The following PHF20 variants were observed in gnomAD, a reference collection of about 807,000 sequenced individuals.
PHF20 encodes the protein glioma-expressed antigen 2.
PHF20 carries 23 observed loss-of-function variants against 113.5 expected under a neutral mutation model. That is an observed-to-expected ratio of 0.20 (90% CI 0.15 to 0.29). The LOEUF is 0.29. Ranked by LOEUF, PHF20 falls within the 10% of genes least tolerant of loss-of-function variation. The pLI is 1.00. For missense variants in PHF20, 943 were observed against 1,219.6 expected, an observed-to-expected ratio of 0.77 and a Z score of 3.38; for synonymous variants, 434 against 457.3, an observed-to-expected ratio of 0.95 and a Z score of 0.65.
At chr20:35,793,242 CCTT>C (rs1485602477) in intron 1 of PHF20, among the ~76,000 whole-genome samples, 2 of 151,936 alleles carry the variant, frequency 1.3e-5, no homozygotes, top group African/African-American at 2.4e-5. Flanking sequence ...CTTTAGATCT[CCTT>C]CTTGTCACCT....
intron 4 of PHF20, chr20:35,850,585 G>GTTTTTTT (rs58771222): frequency 1.1e-4 from 4 of 37,616 alleles, no homozygotes; most frequent in Admixed American, 4.7e-4. Context: ...ATTATGAGCT[G>GTTTTTTT]TTTTTTTTTT....
intron 13 of PHF20, among the ~76,000 whole-genome samples, chr20:35,922,943 T>C (rs2055546009): frequency 6.6e-6 from 1 of 151,766 alleles, no homozygotes; most frequent in South Asian, 2.1e-4. Context: ...TGGCAAACCC[T>C]GTCTCTACAA....
At chr20:35,789,302 G>C (rs1231473046) in intron 1 of PHF20, among the ~76,000 whole-genome samples, 1 of 151,802 alleles carries the variant, frequency 6.6e-6, no homozygotes, top group Admixed American at 6.6e-5. Flanking sequence ...ATGGTGGCTT[G>C]CTCCTGTAAT....
At chr20:35,781,045 G>A (rs2041284751) in intron 1 of PHF20, among the ~76,000 whole-genome samples, 2 of 151,318 alleles carry the variant, frequency 1.3e-5, no homozygotes, top group South Asian at 2.1e-4. Flanking sequence ...TAGAGATGGA[G>A]TTTTACCATG....
At chr20:35,921,724 T>C (rs1032943204) in intron 13 of PHF20, among the ~76,000 whole-genome samples, 2 of 140,064 alleles carry the variant, frequency 1.4e-5, no homozygotes, top group Non-Finnish European at 3.0e-5. Flanking sequence ...AAAAATGTTA[T>C]ATAACATGAA....
Position 35,947,656 on chromosome 20 carries a change from C to G in PHF20, c.*29C>G. The G allele has an allele frequency of 6.2e-7, 1 of 1,606,152 alleles. No homozygotes were observed. Among genetic ancestry groups the G allele is most frequent in the Non-Finnish European group, 8.5e-7 (1 of 1,174,226 alleles). ...TGGGCACCCAAAACTCATGGGGGCA[C>G]AATCCTGGGGCACCTGCAGGAGGAG... On this transcript the variant is annotated 3_prime_UTR_variant, in exon 18 of 18. Transcript: ENST00000374012.
chr20:35,891,768 A>G (rs2054867352), intron 9 of PHF20, among the ~76,000 whole-genome samples: 1 of 152,232 alleles, frequency 6.6e-6, no homozygotes, highest in South Asian at 2.1e-4. Context: ...GTTCAAAAGT[A>G]AAATAGTCCA....
intron 2 of PHF20, among the ~76,000 whole-genome samples, chr20:35,818,137 A>T (rs1301851278): frequency 6.6e-6 from 1 of 151,910 alleles, no homozygotes; most frequent in East Asian, 1.9e-4. Flanking sequence ...TACAAAAAAA[A>T]TTAGGCGCAT....
chr20:35,901,151 AT>A (rs771831477), intron 10 of PHF20, among the ~76,000 whole-genome samples: 7 of 152,230 alleles, frequency 4.6e-5, no homozygotes, highest in Non-Finnish European at 8.8e-5. Flanking sequence ...TTAGGCGGAC[AT>A]AGTGGCTCAC....
At chr20:35,927,029 C>T (rs1430121795) in intron 13 of PHF20, among the ~76,000 whole-genome samples, 1 of 152,178 alleles carries the variant, frequency 6.6e-6, no homozygotes, top group South Asian at 2.1e-4. Flanking sequence ...GTCCACATGT[C>T]TCCCAGTGCA....
intron 2 of PHF20, among the ~76,000 whole-genome samples, chr20:35,809,451 C>T (rs140061001): frequency 2.8e-3 from 430 of 151,388 alleles, no homozygotes; most frequent in African/African-American, 9.6e-3. Flanking sequence ...TGGTGGTGTG[C>T]GCCTGTAGTC....
At chr20:35,910,491 C>T (rs2055278693) in intron 10 of PHF20, among the ~76,000 whole-genome samples, 1 of 152,142 alleles carries the variant, frequency 6.6e-6, no homozygotes, top group South Asian at 2.1e-4. Context: ...ACTATCACCA[C>T]AATCAAGATA....
rs542566292 is a variant in PHF20 at position 35,946,444 on chromosome 20, ATAAATAAG to A, written c.2897-1033_2897-1026del. On this transcript the variant is annotated intron_variant, in intron 17 of 17. Coordinates refer to ENST00000374012, the MANE Select transcript of PHF20 (RefSeq NM_016436.5). ...GTGAGACTCCATCTCAAAAAAATAA[ATAAATAAG>A]TAAATAAATAAAGGGAGAAAATAAT... 3.5e-4 allele frequency among the ~76,000 whole-genome samples: 53 copies of A among 152,256 alleles called. No individual in the cohort carries two copies. The South Asian group carries it at 5.0e-3, about 14-fold the overall frequency.
intron 1 of PHF20, among the ~76,000 whole-genome samples, chr20:35,786,345 C>T (rs369825140): frequency 1.3e-4 from 20 of 150,968 alleles, no homozygotes; most frequent in Non-Finnish European, 2.2e-4. Flanking sequence ...GAGCCGAGAT[C>T]GCGCCACTGC....
At chr20:35,943,836 G>T (rs1242600067) in intron 17 of PHF20, among the ~76,000 whole-genome samples, 1 of 152,070 alleles carries the variant, frequency 6.6e-6, no homozygotes, top group Non-Finnish European at 1.5e-5. Context: ...GGCCAGGCTG[G>T]TCTCGATCTC....
At chr20:35,845,432 C>A in intron 3 of PHF20, 1 of 390,926 alleles carries the variant, frequency 2.6e-6, no homozygotes, top group Non-Finnish European at 5.3e-6. Context: ...GTGGTGCAGT[C>A]TTGGCTTAAT....
chr20:35,794,718 C>G (rs1287962372), intron 1 of PHF20, among the ~76,000 whole-genome samples: 1 of 152,124 alleles, frequency 6.6e-6, no homozygotes, highest in Non-Finnish European at 1.5e-5. Context: ...AGAGCTGATT[C>G]ACTGAAAGGT....
intron 13 of PHF20, among the ~76,000 whole-genome samples, chr20:35,920,280 A>G (rs1328149667): frequency 2.0e-5 from 3 of 152,038 alleles, no homozygotes; most frequent in East Asian, 1.9e-4. Context: ...AGATTCATCC[A>G]TGTTGTTGTG....
At chr20:35,798,354 A>T (rs1055922221) in intron 1 of PHF20, among the ~76,000 whole-genome samples, 9 of 152,208 alleles carry the variant, frequency 5.9e-5, no homozygotes, top group African/African-American at 2.2e-4. Context: ...TCGAGGCTAC[A>T]GTGATCCAGG....
Sources: allele counts gnomAD v4.1 joint callset (sites outside exome capture counted in the v4.1 genomes callset), GRCh38; gene constraint gnomAD v4.1.1; transcripts MANE v1.5; gene names NCBI Gene and HGNC (gene_info 2026-07-23, HGNC 2026-07-21).